Variants in MECOM observed in about 807,000 individuals in gnomAD.
MECOM encodes histone-lysine N-methyltransferase MECOM.
In MECOM, 13 loss-of-function variants were observed where a neutral mutation model predicts 116.3. That is an observed-to-expected ratio of 0.11 (90% CI 0.07 to 0.18). The LOEUF (loss-of-function observed/expected upper bound fraction) is 0.18, where lower values mean the gene tolerates loss of function less well. Ranked by LOEUF, MECOM falls within the 10% of genes least tolerant of loss-of-function variation. The pLI, the probability that MECOM is intolerant of heterozygous loss-of-function variation, is 1.00. For missense variants in MECOM, 1,299 were observed against 1,509.0 expected (o/e 0.86, Z 2.31); for synonymous variants, 528 against 535.2 (o/e 0.99, Z 0.19).
At chr3:169,471,096 A>C in intron 1 of MECOM, among the ~76,000 whole-genome samples, 1 of 150,806 alleles carries the variant, frequency 6.6e-6, no homozygotes. Context: ...GGCTCAAACA[A>C]CCCTCCCACC....
chr3:169,469,369 C>T (rs968321341), intron 1 of MECOM, among the ~76,000 whole-genome samples: 11 of 152,132 alleles, frequency 7.2e-5, no homozygotes, highest in African/African-American at 2.7e-4. Context: ...CTTAGTATTC[C>T]AGCAGTTGCA....
At chr3:169,147,674 G>C (rs1740315997) in intron 2 of MECOM, 4 of 984,820 alleles carry the variant, frequency 4.1e-6, no homozygotes, top group Non-Finnish European at 4.8e-6. Flanking sequence ...TCTTTCCCCA[G>C]GGAAATAGCC....
intron 2 of MECOM, among the ~76,000 whole-genome samples, chr3:169,289,841 T>C (rs1269848433): frequency 2.6e-5 from 4 of 152,198 alleles, no homozygotes; most frequent in Non-Finnish European, 5.9e-5. Context: ...GTCTCATATA[T>C]GGAAACCTGA....
chr3:169,645,341 C>T (rs1774036628), intron 1 of MECOM, among the ~76,000 whole-genome samples: 1 of 152,084 alleles, frequency 6.6e-6, no homozygotes, highest in Non-Finnish European at 1.5e-5. Context: ...TGTAGAATTC[C>T]CATTGCTTCC....
intron 2 of MECOM, among the ~76,000 whole-genome samples, chr3:169,248,236 T>C (rs1755830850): frequency 6.6e-6 from 1 of 152,200 alleles, no homozygotes; most frequent in African/African-American, 2.4e-5. Context: ...AGGATAATTA[T>C]AATGTGTAGC....
chr3:169,195,499 T>A (rs539781111), intron 2 of MECOM, among the ~76,000 whole-genome samples: 1 of 152,238 alleles, frequency 6.6e-6, no homozygotes, highest in African/African-American at 2.4e-5. Flanking sequence ...TAATTTTGAC[T>A]AGGCTCACAA....
intron 2 of MECOM, among the ~76,000 whole-genome samples, chr3:169,304,303 T>G (rs1001200567): frequency 3.3e-5 from 5 of 152,350 alleles, no homozygotes; most frequent in African/African-American, 4.8e-5. Context: ...TTAATTTTAG[T>G]GTTGACTTAC....
chr3:169,347,344 C>G (rs964420419), intron 2 of MECOM, among the ~76,000 whole-genome samples: 13 of 151,924 alleles, frequency 8.6e-5, no homozygotes, highest in Admixed American at 8.5e-4. Flanking sequence ...AAAAATAAAT[C>G]AAATAAGTGA....
chr3:169,407,243 AAT>A (rs1253772921), intron 1 of MECOM, among the ~76,000 whole-genome samples: 2 of 152,160 alleles, frequency 1.3e-5, no homozygotes, highest in Non-Finnish European at 2.9e-5. Context: ...GACAATAACT[AAT>A]ATGTTTCTTT....
chr3:169,172,443 G>GTGTA (rs1491201932), intron 2 of MECOM, among the ~76,000 whole-genome samples: 12 of 148,688 alleles, frequency 8.1e-5, no homozygotes, highest in Non-Finnish European at 1.6e-4. Flanking sequence ...GTGTGTGTGT[G>GTGTA]TATACATATA....
Position 169,089,183 on chromosome 3 carries a change from C to A in MECOM, c.3402G>T (p.Arg1134Ser). ...CACTTTTATATTCTTCCTCTTTATACCTAAAATGAACCAACGAAAAACACA... is the reference window on the plus strand; with the variant it reads ...CACTTTTATATTCTTCCTCTTTATAACTAAAATGAACCAACGAAAAACACA... ...LEMSCKTSPV[R>S]YKEEEYKSGL... Residue 1134 changes from arginine (R) to serine (S), a missense_variant and splice_region_variant, in exon 16 of 17, where the codon AGG becomes AGT. By Grantham distance (110) the Arg-to-Ser change is moderately radical. This residue lies in a region of MECOM where 273 missense variants were observed against 289.3 expected (regional missense o/e 0.94). Transcript: ENST00000651503. 1.3e-6 allele frequency: 2 copies of A among 1,504,092 alleles called. No homozygotes were observed. The highest frequency in any genetic ancestry group is 1.8e-6 in the Non-Finnish European group (2 of 1,128,726). The allele number at this position is 1,504,092 out of a possible 1,614,324, so 93.2% of individuals were successfully genotyped here. A position where few individuals can be genotyped will look rare whatever the true frequency, so the allele number is the denominator to read the frequency against.
At chr3:169,381,985 C>T (rs776024374) in intron 1 of MECOM, among the ~76,000 whole-genome samples, 36 of 152,112 alleles carry the variant, frequency 2.4e-4, no homozygotes, top group Non-Finnish European at 4.1e-4. Context: ...CCAAAGGCTG[C>T]CATGTGCCAC....
At chr3:169,634,796 C>G (rs1049102484) in intron 1 of MECOM, among the ~76,000 whole-genome samples, 12 of 152,226 alleles carry the variant, frequency 7.9e-5, no homozygotes, top group African/African-American at 2.4e-4. Flanking sequence ...ACACCCAGCT[C>G]TTGGCAGTGA....
At chr3:169,337,553 T>A (rs1723780768) in intron 2 of MECOM, among the ~76,000 whole-genome samples, 1 of 152,220 alleles carries the variant, frequency 6.6e-6, no homozygotes, top group Non-Finnish European at 1.5e-5. Context: ...GGGTCATTGT[T>A]GCCTGGGAAT....
At chr3:169,247,711 CTATT>C (rs1272739415) in intron 2 of MECOM, among the ~76,000 whole-genome samples, 1 of 152,172 alleles carries the variant, frequency 6.6e-6, no homozygotes, top group Non-Finnish European at 1.5e-5. Flanking sequence ...TAGACAATAA[CTATT>C]TATTAAACAC....
intron 1 of MECOM, among the ~76,000 whole-genome samples, chr3:169,548,608 C>G (rs901309714): frequency 1.3e-5 from 2 of 152,172 alleles, no homozygotes; most frequent in Non-Finnish European, 2.9e-5. Context: ...AGTTTGATGA[C>G]TTGAGAGGCA....
intron 2 of MECOM, among the ~76,000 whole-genome samples, chr3:169,344,002 G>A (rs1467543339): frequency 1.3e-5 from 2 of 151,892 alleles, no homozygotes; most frequent in African/African-American, 2.4e-5. Context: ...TAAAATTGGC[G>A]AGTTCTTAAA....
chr3:169,372,491 TGTTA>T (rs966601172), intron 2 of MECOM, among the ~76,000 whole-genome samples: 2 of 152,062 alleles, frequency 1.3e-5, no homozygotes, highest in African/African-American at 4.8e-5. Context: ...TCGTTTTCAT[TGTTA>T]GTTAGAAAAC....
intron 1 of MECOM, among the ~76,000 whole-genome samples, chr3:169,465,808 A>G (rs1375606553): frequency 6.6e-6 from 1 of 152,194 alleles, no homozygotes; most frequent in Non-Finnish European, 1.5e-5. Flanking sequence ...TAAAAATTAC[A>G]AGCTCAATTA....
Sources: allele counts gnomAD v4.1 joint callset (sites outside exome capture counted in the v4.1 genomes callset), GRCh38; gene constraint gnomAD v4.1.1; regional missense constraint gnomAD v4.1.1; transcripts MANE v1.5; gene names NCBI Gene and HGNC (gene_info 2026-07-23, HGNC 2026-07-21).